Variants in PLK3 observed in about 807,000 individuals in gnomAD.
PLK3 encodes the protein polo like kinase 3.
In PLK3, 41 loss-of-function variants were observed where a neutral mutation model predicts 71.6. The observed-to-expected ratio is 0.57, with a 90% CI of 0.45 to 0.74. The LOEUF (loss-of-function observed/expected upper bound fraction) is 0.74. Ranked by LOEUF, PLK3 falls within the 30% of genes least tolerant of loss-of-function variation. The pLI is 0.00. For missense variants in PLK3, 791 were observed against 875.6 expected (o/e 0.90, Z 1.22); for synonymous variants, 366 against 355.4 (o/e 1.03, Z -0.33).
intron 5 of PLK3, among the ~76,000 whole-genome samples, 177 bp downstream of exon 5, chr1:44,802,109 G>A (rs539538964): frequency 1.4e-4 from 21 of 152,120 alleles, no homozygotes; most frequent in African/African-American, 5.1e-4. Context: ...TACCGAGACC[G>A]GTGGAGAGGG....
rs770268851 is a variant in PLK3, at chr1:44,804,696, G to A, written c.1552G>A (p.Val518Met). The change falls in exon 13 of 15, where the codon GTG (valine) becomes ATG (methionine). Residue 518 changes from valine to methionine, a missense_variant. Physicochemically the swap from Val to Met is conservative, Grantham distance 21. Coordinates refer to ENST00000372201, the MANE Select transcript of PLK3 (RefSeq NM_004073.4). The stretch of plus-strand genomic sequence containing the variant: ...CAGCACAAAGCACTTCTCCTTCTCC[G>A]TGGGTGCTGTGCCCCGGGCCCTGCA... ...PTSTKHFSFS[V>M]GAVPRALQPQ... is the part of the protein sequence containing the mutation. The A allele has an allele frequency of 3.1e-5, 50 of 1,613,944 alleles. No homozygotes were observed. The highest frequency in any genetic ancestry group is 4.5e-5 in the East Asian group (2 of 44,898).
Position 44,801,716 on chromosome 1 carries a change from A to G in PLK3, c.530A>G (p.His177Arg). The G allele has an allele frequency of 2.8e-6, 4 of 1,437,154 alleles. No homozygotes were observed. The highest frequency in any genetic ancestry group is 3.7e-6 in the Non-Finnish European group (4 of 1,072,046). 89.0% of individuals were successfully genotyped at this position (1,437,154 alleles called of 1,614,324 possible). Residue 177 changes from histidine to arginine, a missense_variant, in exon 4 of 15, where the codon CAC becomes CGC. Physicochemically the swap from His to Arg is conservative, Grantham distance 29. Transcript: ENST00000372201. ...RQILSGLKYL[H>R]QRGILHRDLK... ...ATCCTTTCTGGCCTCAAGTACTTGC[A>G]CCAGCGCGGCATCTTGCACCGGGAC...
Position 44,805,861 on chromosome 1 carries a change from AAGCCTGAGCCTT to A in PLK3, c.*187_*198del. The A allele has an allele frequency of 7.2e-7, 1 of 1,395,528 alleles. No individual in the cohort carries two copies. Among genetic ancestry groups the A allele is most frequent in the Non-Finnish European group, 9.5e-7 (1 of 1,048,974 alleles). 86.4% of individuals were successfully genotyped at this position (1,395,528 alleles called of 1,614,324 possible). On this transcript the variant is annotated 3_prime_UTR_variant, in exon 15 of 15. Transcript: ENST00000372201. Reference sequence around the variant, plus strand: ...CTGGCTCCTACCCCATCTCCAAGATAAGCCTGAGCCTTAGCTCCCAGCTAGGGGGCGTTATTT... The same window carrying A: ...CTGGCTCCTACCCCATCTCCAAGATAAGCTCCCAGCTAGGGGGCGTTATTT...
chr1:44,802,608 C>T (rs1341258226), intron 5 of PLK3, 152 bp from the exon 6 acceptor site: 3 of 643,828 alleles, frequency 4.7e-6, no homozygotes, highest in Non-Finnish European at 5.6e-6. Flanking sequence ...GACTCAGCTG[C>T]CATCCCTGGC....
chr1:44,805,660 G>T lies in PLK3; in HGVS notation c.1923G>T (p.Arg641=). The T allele has an allele frequency of 6.2e-7, 1 of 1,612,792 alleles. No individual in the cohort carries two copies. The highest frequency in any genetic ancestry group is 1.1e-5 in the South Asian group (1 of 91,074). Reference sequence around the variant, plus strand: ...TCCGCTATGCTCTGCGCCTGCTCCGGGACCGCAGCCCAGCCTAGGACCCAA... The same window carrying T: ...TCCGCTATGCTCTGCGCCTGCTCCGTGACCGCAGCCCAGCCTAGGACCCAA... ...QRLRYALRLL[R]DRSPA is the part of the protein sequence containing the mutation. The change falls in exon 15 of 15, where the codon CGG becomes CGT. Residue 641 remains arginine, a synonymous_variant. Coordinates refer to ENST00000372201, the MANE Select transcript of PLK3 (RefSeq NM_004073.4).
At chr1:44,804,861 T>C in intron 13 of PLK3, 82 bp downstream of exon 13, 2 of 1,393,954 alleles carry the variant, frequency 1.4e-6, no homozygotes, top group Non-Finnish European at 1.0e-6. Flanking sequence ...ATCCCAGCAC[T>C]TTGGGAGGCC....
Position 44,800,408 on chromosome 1 carries a change from CGGCCGG to C in PLK3, c.-48_-43del, listed in dbSNP as rs2148854352. 8.0e-7 allele frequency: 1 copy of C among 1,247,660 alleles called. No homozygotes were observed. Among genetic ancestry groups the C allele is most frequent in the Admixed American group, 4.4e-5 (1 of 22,782 alleles). The allele number at this position is 1,247,660 out of a possible 1,614,324, so 77.3% of individuals were successfully genotyped here. On this transcript the variant is annotated 5_prime_UTR_variant, in exon 1 of 15. Transcript: ENST00000372201. This position sits in a 1 kb window ranked among gnomAD's most constrained non-coding sequence, Gnocchi z 6.5. ...TAGCAAATCCAGGCAGCGCCACGCG[CGGCCGG>C]GGCCGGGCGGAACCGAGAAGCCGGG...
In PLK3 at chr1:44,803,118, A is replaced by G. The variant is rs1229111019; in HGVS notation, c.913A>G (p.Ile305Val). The G allele has an allele frequency of 2.5e-6, 4 of 1,613,536 alleles. No homozygotes were observed. The East Asian group carries it at 8.9e-5, about 36-fold the overall frequency. Reference protein sequence around the residue: ...LRASPRDRPSIDQILRHDFFT... With the variant: ...LRASPRDRPSVDQILRHDFFT... ...GGCCTCACCCCGAGACCGCCCCTCT[A>G]TTGACCAGATCCTGCGCCATGACTT... is the stretch of plus-strand genomic sequence containing the variant. Residue 305 changes from isoleucine to valine, a missense_variant, in exon 7 of 15, where the codon ATT (isoleucine) becomes GTT (valine). Transcript: ENST00000372201. The surrounding 1 kb of genome is among the most constrained non-coding windows in gnomAD (Gnocchi z 4.3).
chr1:44,805,237 T>A, intron 13 of PLK3, 29 bp from the exon 14 acceptor site: 1 of 1,485,714 alleles, frequency 6.7e-7, no homozygotes, highest in Non-Finnish European at 9.4e-7. Flanking sequence ...TCACGCTGGA[T>A]CAGTGACCTG....
Position 44,803,871 on chromosome 1 carries a change from G to A in PLK3, c.1165-60G>A, listed in dbSNP as rs1414479885. The A allele has an allele frequency of 1.5e-5, 20 of 1,318,040 alleles. No individual in the cohort carries two copies. Among genetic ancestry groups the A allele is most frequent in the Non-Finnish European group, 1.9e-5 (18 of 937,172 alleles). The allele number at this position is 1,318,040 out of a possible 1,614,324, so 81.6% of individuals were successfully genotyped here. A position where few individuals can be genotyped will look rare whatever the true frequency, so the allele number is the denominator to read the frequency against. ...GGGAGCCAGGGCAGGGCCAGGCCAT[G>A]GACTCAAGGGTTTGGATTTTGGGGC... On this transcript the variant is annotated intron_variant, in intron 9 of 14. Coordinates refer to ENST00000372201, the MANE Select transcript of PLK3 (RefSeq NM_004073.4). This position sits in a 1 kb window ranked among gnomAD's most constrained non-coding sequence, Gnocchi z 4.3.
At position 44,805,848 on chromosome 1, in the gene PLK3, C is replaced by A; in HGVS notation, c.*170C>A. ...CGGCTTGTCTTCGCTGGCTCCTACC[C>A]CATCTCCAAGATAAGCCTGAGCCTT... On this transcript the variant is annotated 3_prime_UTR_variant, in exon 15 of 15. Transcript: ENST00000372201. 2 of 1,362,306 alleles carry A rather than the reference C, an allele frequency of 1.5e-6. No individual in the cohort carries two copies. Among genetic ancestry groups the A allele is most frequent in the Non-Finnish European group, 2.0e-6 (2 of 1,019,544 alleles). 84.4% of individuals were successfully genotyped at this position (1,362,306 alleles called of 1,614,324 possible). A position where few individuals can be genotyped will look rare whatever the true frequency, so the allele number is the denominator to read the frequency against.
chr1:44,801,723 C>T lies in PLK3; in HGVS notation c.537C>T (p.Arg179=), dbSNP rs142337193. 5.1e-4 allele frequency: 775 copies of T among 1,508,684 alleles called. 10 individuals are homozygous for T. The South Asian group carries it at 6.0e-3, about 12-fold the overall frequency. The allele number at this position is 1,508,684 out of a possible 1,614,324, so 93.5% of individuals were successfully genotyped here. The change falls in exon 4 of 15, where the codon CGC becomes CGT. Residue 179 remains arginine (R), a synonymous_variant. Transcript: ENST00000372201. ...CTGGCCTCAAGTACTTGCACCAGCG[C>T]GGCATCTTGCACCGGGACCTCAAGT... ...ILSGLKYLHQ[R]GILHRDLKLG...
rs754057706 is a variant in PLK3, at chr1:44,805,716, G to C, written c.*38G>C. ...GAGGCCTGAGGCCTGTGCCTGTCAG[G>C]CTCTGGCCCTTGCCTTTGTGGCCTT... is the stretch of plus-strand genomic sequence containing the variant. On this transcript the variant is annotated 3_prime_UTR_variant, in exon 15 of 15. Coordinates refer to ENST00000372201, the MANE Select transcript of PLK3 (RefSeq NM_004073.4). The C allele has an allele frequency of 6.3e-7, 1 of 1,590,394 alleles. No individual in the cohort carries two copies. The highest frequency in any genetic ancestry group is 8.6e-7 in the Non-Finnish European group (1 of 1,166,802).
Position 44,803,587 on chromosome 1 carries a change from C to G in PLK3, c.1073-13C>G. On this transcript the variant is annotated splice_polypyrimidine_tract_variant and intron_variant, in intron 8 of 14. Coordinates refer to ENST00000372201, the MANE Select transcript of PLK3 (RefSeq NM_004073.4). The surrounding 1 kb of genome is among the most constrained non-coding windows in gnomAD (Gnocchi z 4.3). ...GGCAGGATACTGAGGACGGTATCAC[C>G]TTTCACCCCCAGGTAAGAATCATGC... is the stretch of plus-strand genomic sequence containing the variant. 6.2e-7 allele frequency: 1 copy of G among 1,611,702 alleles called. No individual in the cohort carries two copies. The highest frequency in any genetic ancestry group is 8.5e-7 in the Non-Finnish European group (1 of 1,177,874).
intron 2 of PLK3, 24 bp from the exon 3 acceptor site, chr1:44,801,012 G>A: frequency 6.2e-7 from 1 of 1,608,922 alleles, no homozygotes; most frequent in Non-Finnish European, 8.5e-7. Flanking sequence ...ATGGAAGGAT[G>A]ACGACTCCGC....
rs780198349 is a variant in PLK3 at position 44,803,080 on chromosome 1, C to T, written c.875C>T (p.Ala292Val). Reference protein sequence around the residue: ...SLSLPARQLLAAILRASPRDR... With the variant: ...SLSLPARQLLVAILRASPRDR... ...TCACTGCCTGCCCGGCAGCTCCTGGCCGCCATCCTTCGGGCCTCACCCCGA... is the reference window on the plus strand; with the variant it reads ...TCACTGCCTGCCCGGCAGCTCCTGGTCGCCATCCTTCGGGCCTCACCCCGA... The change falls in exon 7 of 15, where the codon GCC becomes GTC. Residue 292 changes from alanine to valine, a missense_variant. Coordinates refer to ENST00000372201, the MANE Select transcript of PLK3 (RefSeq NM_004073.4). The surrounding 1 kb of genome is among the most constrained non-coding windows in gnomAD (Gnocchi z 4.3). 15 of 1,613,838 alleles carry T rather than the reference C, an allele frequency of 9.3e-6. 1 individual carries two copies. The South Asian group carries it at 1.6e-4, about 18-fold the overall frequency.
intron 13 of PLK3, 128 bp from the exon 14 acceptor site, chr1:44,805,138 C>A: frequency 1.5e-6 from 1 of 665,744 alleles, no homozygotes; most frequent in Non-Finnish European, 2.7e-6. Flanking sequence ...AAAACTAACC[C>A]ATCCTGATCC....
Position 44,800,535 on chromosome 1 carries a change from C to T in PLK3, c.72C>T (p.Ala24=). Residue 24 remains alanine, a synonymous_variant, in exon 1 of 15, where the codon GCC becomes GCT. Transcript: ENST00000372201. The surrounding 1 kb of genome is among the most constrained non-coding windows in gnomAD (Gnocchi z 6.5). ...CGGCCGCCGCGCCCGCTCCCCCGGC[C>T]GGGCCCGGGCCGCCTCCGAGTGCCT... The part of the protein sequence containing the change: ...QRAAAAPAPP[A]GPGPPPSALR... 4 of 1,466,992 alleles carry T rather than the reference C, an allele frequency of 2.7e-6. No homozygotes were observed. The highest frequency in any genetic ancestry group is 3.6e-6 in the Non-Finnish European group (4 of 1,117,414). 90.9% of individuals were successfully genotyped at this position (1,466,992 alleles called of 1,614,324 possible).
In PLK3 at chr1:44,804,191, A is replaced by G. The variant is rs756468598; in HGVS notation, c.1287A>G (p.Thr429=). The change falls in exon 11 of 15, where the codon ACA becomes ACG. Residue 429 remains threonine, a synonymous_variant. Transcript: ENST00000372201. ...TTGAAGAAGGTCTGACTGTGGCCACAGTAGTGGAGTCAGCCCTTTGTGCTC... is the reference window on the plus strand; with the variant it reads ...TTGAAGAAGGTCTGACTGTGGCCACGGTAGTGGAGTCAGCCCTTTGTGCTC... ...DGFEEGLTVA[T]VVESALCALR... The G allele has an allele frequency of 6.2e-7, 1 of 1,613,892 alleles. No homozygotes were observed. The highest frequency in any genetic ancestry group is 1.7e-5 in the Admixed American group (1 of 60,008).
Sources: allele counts gnomAD v4.1 joint callset (sites outside exome capture counted in the v4.1 genomes callset), GRCh38; gene constraint gnomAD v4.1.1; non-coding constraint Gnocchi (gnomAD v3.1); transcripts MANE v1.5; gene names NCBI Gene and HGNC (gene_info 2026-07-23, HGNC 2026-07-21).